Variants in SHQ1 observed in about 807,000 individuals in gnomAD.
SHQ1 encodes protein SHQ1 homolog.
In SHQ1, 49 loss-of-function variants were observed where a neutral mutation model predicts 53.8. The observed-to-expected ratio is 0.91, with a 90% CI of 0.72 to 1.16. The LOEUF (loss-of-function observed/expected upper bound fraction) is 1.16. Among genes scored for constraint, SHQ1 ranks in the 50% most tolerant of loss-of-function variants. The probability of loss-of-function intolerance (pLI) is 0.00; values close to 1 mark genes in which losing one functional copy is unlikely to be tolerated. For synonymous variants in SHQ1, 243 were observed against 251.0 expected, an observed-to-expected ratio of 0.97 and a Z score of 0.30; for missense variants, 738 against 683.1, an observed-to-expected ratio of 1.08 and a Z score of -0.90.
At chr3:72,740,738 C>T in the SHQ1 span, among the ~76,000 whole-genome samples, 1 of 152,110 alleles carries the variant, frequency 6.6e-6, no homozygotes, top group Non-Finnish European at 1.5e-5. Flanking sequence ...TGTGAATGTT[C>T]ATTTCAGAGT....
chr3:72,752,816 C>A (rs1371754086), intron 10 of SHQ1: 1 of 222,236 alleles, frequency 4.5e-6, no homozygotes, highest in African/African-American at 2.3e-5. Context: ...CATGAGTCAC[C>A]AGGCCCAGCT....
At chr3:72,794,287 A>AT (rs1172210659) in intron 9 of SHQ1, 1 of 152,182 alleles carries the variant, frequency 6.6e-6, no homozygotes, top group Non-Finnish European at 1.5e-5. Flanking sequence ...CTGACACTAA[A>AT]TTTTTTAACA....
chr3:72,837,458 T>C lies in SHQ1; in HGVS notation c.486+3587A>G, dbSNP rs151132255. Among the ~76,000 whole-genome samples, 562 of 152,310 alleles carry C rather than the reference T, an allele frequency of 3.7e-3. 2 individuals are homozygous for C. The highest frequency in any genetic ancestry group is 0.012 in the African/African-American group (484 of 41,570). On this transcript the variant is annotated intron_variant, in intron 4 of 10. Coordinates refer to ENST00000325599, the MANE Select transcript of SHQ1 (RefSeq NM_018130.3). ...AATTATGAATAATTTTTTTACTTTC[T>C]TCTTTGTATATTTTTATAATAAATC...
downstream of SHQ1, among the ~76,000 whole-genome samples, chr3:72,748,368 T>C (rs952146593): frequency 9.8e-6 from 1 of 102,014 alleles, no homozygotes; most frequent in African/African-American, 3.8e-5. Flanking sequence ...AAAAGACTCA[T>C]ATGAGGACTT....
intron 10 of SHQ1, among the ~76,000 whole-genome samples, chr3:72,778,707 T>C (rs1157582778): frequency 6.6e-6 from 1 of 152,088 alleles, no homozygotes; most frequent in Non-Finnish European, 1.5e-5. Context: ...CATTAAATAA[T>C]AAAGGCAACA....
intron 4 of SHQ1, among the ~76,000 whole-genome samples, chr3:72,837,727 C>T (rs560551092): frequency 6.6e-6 from 1 of 152,314 alleles, no homozygotes; most frequent in African/African-American, 2.4e-5. Context: ...ATTTCAGTTT[C>T]TTCTAGCTGC....
intron 8 of SHQ1, among the ~76,000 whole-genome samples, chr3:72,814,829 T>C (rs944760936): frequency 5.9e-5 from 9 of 152,206 alleles, no homozygotes; most frequent in Non-Finnish European, 1.3e-4. Context: ...ATTTGAATTG[T>C]AGGACCTAAG....
At chr3:72,744,921 A>AT (rs1421017884), downstream of SHQ1, among the ~76,000 whole-genome samples, 1 of 73,798 alleles carries the variant, frequency 1.4e-5, no homozygotes, top group Admixed American at 1.5e-4. Flanking sequence ...CATTTGATAC[A>AT]TTGGGGGGGG....
At chr3:72,749,276 C>T (rs1705316072), downstream of SHQ1, 2 of 222,146 alleles carry the variant, frequency 9.0e-6, no homozygotes, top group African/African-American at 2.2e-5. Flanking sequence ...CACATGAAGA[C>T]TTGTACACAA....
intron 10 of SHQ1, among the ~76,000 whole-genome samples, chr3:72,756,367 C>T (rs956509258): frequency 6.6e-6 from 1 of 152,190 alleles, no homozygotes. Flanking sequence ...CCTCCACCTC[C>T]CTGGTTCAAG....
chr3:72,783,399 C>G (rs1200348174), intron 10 of SHQ1, among the ~76,000 whole-genome samples: 1 of 141,674 alleles, frequency 7.1e-6, no homozygotes, highest in Non-Finnish European at 1.5e-5. Flanking sequence ...GGGTCTCCCT[C>G]TGTCACTCAG....
chr3:72,737,496 T>G, the SHQ1 span, among the ~76,000 whole-genome samples: 3 of 152,136 alleles, frequency 2.0e-5, no homozygotes, highest in Admixed American at 6.6e-5. Flanking sequence ...ATTTTTACAA[T>G]GCAGCTGTCC....
rs767403864 is a variant in SHQ1, at chr3:72,800,115, C to T, written c.1061-7079G>A. On this transcript the variant is annotated intron_variant, in intron 9 of 10. Coordinates refer to ENST00000325599, the MANE Select transcript of SHQ1 (RefSeq NM_018130.3). ...AGGGCTCTACCCTCATGAATGTTAA[C>T]GACAATTAGGACTTCAAGCTGCCAG... Among the ~76,000 whole-genome samples the T allele has an allele frequency of 1.1e-4, 16 of 152,108 alleles. 1 individual carries two copies. Among genetic ancestry groups the T allele is most frequent in the Non-Finnish European group, 1.3e-4 (9 of 68,026 alleles).
the SHQ1 span, among the ~76,000 whole-genome samples, chr3:72,726,300 T>G: frequency 6.6e-6 from 1 of 151,934 alleles, no homozygotes; most frequent in African/African-American, 2.4e-5. Flanking sequence ...AAGCACGTCC[T>G]CACTTCTTGG....
At chr3:72,790,918 T>C (rs1706412114) in intron 10 of SHQ1, among the ~76,000 whole-genome samples, 1 of 152,178 alleles carries the variant, frequency 6.6e-6, no homozygotes, top group Non-Finnish European at 1.5e-5. Flanking sequence ...TCCCATTTTT[T>C]AAAAGTACTA....
Position 72,775,228 on chromosome 3 carries a change from G to A in SHQ1, c.1181+17688C>T, listed in dbSNP as rs377045610. On this transcript the variant is annotated intron_variant, in intron 10 of 10. Transcript: ENST00000325599. ...AAAGAGAGAGACAGCATGATTATCAGAAATGTAAAAGACAACAATTACAGA... is the reference window on the plus strand; with the variant it reads ...AAAGAGAGAGACAGCATGATTATCAAAAATGTAAAAGACAACAATTACAGA... Among the ~76,000 whole-genome samples the A allele has an allele frequency of 1.6e-4, 24 of 151,736 alleles. 1 individual carries two copies. In the East Asian group the frequency reaches 4.5e-3, roughly 28 times the overall value.
At chr3:72,732,202 C>T in the SHQ1 span, among the ~76,000 whole-genome samples, 2 of 151,504 alleles carry the variant, frequency 1.3e-5, no homozygotes, top group Non-Finnish European at 2.9e-5. Context: ...GGGAGGAAGC[C>T]CCGTGCAGGC....
At chr3:72,726,192 A>G in the SHQ1 span, among the ~76,000 whole-genome samples, 1 of 152,202 alleles carries the variant, frequency 6.6e-6, no homozygotes, top group African/African-American at 2.4e-5. Flanking sequence ...CAAGGCCACC[A>G]GCCTATAAAG....
At chr3:72,735,531 C>A in the SHQ1 span, among the ~76,000 whole-genome samples, 2 of 140,012 alleles carry the variant, frequency 1.4e-5, no homozygotes, top group African/African-American at 5.3e-5. Context: ...TTGGCCAAAG[C>A]AAGTCACTTG....
Sources: gnomAD v4.1 joint callset for allele counts (sites outside exome capture counted in the v4.1 genomes callset) on GRCh38, gnomAD v4.1.1 for gene constraint, MANE v1.5 for transcripts, NCBI Gene and HGNC (gene_info 2026-07-23, HGNC 2026-07-21) for gene names.